The following NRDC variants were observed in gnomAD, a reference collection of about 807,000 sequenced individuals.
NRDC encodes the protein nardilysin.
Under a neutral mutation model 147.1 loss-of-function variants are expected in NRDC, and 54 were observed. The ratio of observed to expected loss-of-function variants is 0.37; its 90% confidence interval spans 0.29 to 0.46. The LOEUF (loss-of-function observed/expected upper bound fraction) is 0.46, where lower values mean the gene tolerates loss of function less well. Ranked by LOEUF, NRDC falls within the 20% of genes least tolerant of loss-of-function variation. The pLI, the probability that NRDC is intolerant of heterozygous loss-of-function variation, is 1.00. For missense variants in NRDC, 1,082 were observed against 1,370.6 expected (o/e 0.79, Z 3.33); for synonymous variants, 440 against 482.1 (o/e 0.91, Z 1.14).
Position 51,798,426 on chromosome 1 carries a change from G to GAA in NRDC, c.2442-17_2442-16dup. The GAA allele has an allele frequency of 1.3e-6, 2 of 1,547,926 alleles. No individual in the cohort carries two copies. The highest frequency in any genetic ancestry group is 1.2e-5 in the South Asian group (1 of 83,102). ...GCCGTACATCTCTGTACAGAGGGCA[G>GAA]AAAAAAAACACTCAAAGTTTTGTTA... On this transcript the variant is annotated splice_polypyrimidine_tract_variant and intron_variant, in intron 21 of 30. Transcript: ENST00000352171.
intron 2 of NRDC, chr1:51,837,729 G>T (rs867281476): frequency 9.2e-6 from 7 of 761,364 alleles, no homozygotes; most frequent in Non-Finnish European, 1.3e-5. Context: ...TTAATTCAAT[G>T]TATATCATAT....
intron 28 of NRDC, 105 bp from the exon 29 acceptor site, chr1:51,790,754 A>G: frequency 1.0e-6 from 1 of 980,524 alleles, no homozygotes; most frequent in South Asian, 1.4e-5. Context: ...TGCCAGTATA[A>G]GAGGCACGGA....
At chr1:51,791,686 A>T in intron 26 of NRDC, 25 bp from the exon 27 acceptor site, 1 of 1,571,424 alleles carries the variant, frequency 6.4e-7, no homozygotes. Context: ...GAAAAGTTAT[A>T]TGAGCTCAGG....
chr1:51,853,308 A>G (rs1682074528), intron 1 of NRDC, among the ~76,000 whole-genome samples: 1 of 152,034 alleles, frequency 6.6e-6, no homozygotes, highest in Non-Finnish European at 1.5e-5. Context: ...TGCCAGAAAT[A>G]ATGAGACTCT....
At position 51,804,018 on chromosome 1, in the gene NRDC, A is replaced by G. The variant is rs535260957; in HGVS notation, c.2163-54T>C. 5.3e-5 allele frequency: 78 copies of G among 1,471,716 alleles called. No individual in the cohort carries two copies. The South Asian group carries it at 1.0e-3, about 19-fold the overall frequency. The allele number at this position is 1,471,716 out of a possible 1,614,324, so 91.2% of individuals were successfully genotyped here. Reference sequence around the variant, plus strand: ...TTTAATTGGTAAGAAAGACACATGAAATAGATTTGCTTCAATTTAGAGTAA... The same window carrying G: ...TTTAATTGGTAAGAAAGACACATGAGATAGATTTGCTTCAATTTAGAGTAA... On this transcript the variant is annotated intron_variant, in intron 19 of 30. Transcript: ENST00000352171.
chr1:51,800,835 CGTTT>C (rs1440461072), intron 20 of NRDC, 152 bp from the exon 21 acceptor site: 12 of 719,758 alleles, frequency 1.7e-5, no homozygotes, highest in Admixed American at 8.8e-5. Context: ...TCAATTTGTT[CGTTT>C]GTTTGTTTGG....
chr1:51,811,495 GACTTATTCTCCA>G (rs902987150), intron 15 of NRDC, among the ~76,000 whole-genome samples: 6 of 152,170 alleles, frequency 3.9e-5, no homozygotes, highest in Non-Finnish European at 8.8e-5. Context: ...GAAACAAAAT[GACTTATTCTCCA>G]CTAGTGAAGG....
chr1:51,810,439 C>T (rs757698589), intron 15 of NRDC, 35 bp from the exon 16 acceptor site: 1 of 1,582,988 alleles, frequency 6.3e-7, no homozygotes, highest in Admixed American at 1.8e-5. Flanking sequence ...GAGATACACA[C>T]AATTTTAACC....
At chr1:51,807,325 T>C (rs1679512854) in intron 17 of NRDC, among the ~76,000 whole-genome samples, 1 of 152,248 alleles carries the variant, frequency 6.6e-6, no homozygotes, top group Admixed American at 6.5e-5. Flanking sequence ...AAACTTGTCC[T>C]TTTGGTTAAT....
rs533381705 is a variant in NRDC, at chr1:51,877,380, G to A, written c.341+895C>T. Among the ~76,000 whole-genome samples the A allele has an allele frequency of 5.9e-5, 9 of 152,158 alleles. No individual in the cohort carries two copies. In the East Asian group the frequency reaches 1.5e-3, roughly 26 times the overall value. On this transcript the variant is annotated intron_variant, in intron 1 of 30. Coordinates refer to ENST00000352171, the MANE Select transcript of NRDC (RefSeq NM_001101662.2). ...CTATTTAAAATACATCAAAGTCCAG[G>A]CCTGGCACAGTGGCTCACGCCTGTA...
At position 51,852,513 on chromosome 1, in the gene NRDC, A is replaced by G. The variant is rs866917014; in HGVS notation, c.342-11999T>C. 1.1e-3 allele frequency among the ~76,000 whole-genome samples: 17 copies of G among 14,964 alleles called. No individual in the cohort carries two copies. The South Asian group carries it at 0.018, about 16-fold the overall frequency. The allele number at this position is 14,964 out of a possible 152,430, so 9.8% of individuals were successfully genotyped here. On this transcript the variant is annotated intron_variant, in intron 1 of 30. Coordinates refer to ENST00000352171, the MANE Select transcript of NRDC (RefSeq NM_001101662.2). ...AACATGTATATGAGGCCTTAAAACT[A>G]TATTTATATAGTTTTAAACTATAGT...
At chr1:51,827,927 T>C in intron 4 of NRDC, 58 bp from the exon 5 acceptor site, 2 of 1,314,160 alleles carry the variant, frequency 1.5e-6, no homozygotes, top group Non-Finnish European at 2.2e-6. Flanking sequence ...AATCAACATC[T>C]ATTATTTTAA....
chr1:51,861,931 G>A (rs144341612), intron 1 of NRDC, among the ~76,000 whole-genome samples: 1 of 152,162 alleles, frequency 6.6e-6, no homozygotes, highest in Non-Finnish European at 1.5e-5. Context: ...TGGAAACTTC[G>A]ACGACTCAGG....
intron 7 of NRDC, 76 bp downstream of exon 7, chr1:51,823,588 C>T: frequency 8.3e-7 from 1 of 1,205,330 alleles, no homozygotes; most frequent in Non-Finnish European, 1.2e-6. Flanking sequence ...TAGTACACTA[C>T]AACACTGATA....
intron 1 of NRDC, among the ~76,000 whole-genome samples, chr1:51,849,398 G>A (rs1408691668): frequency 7.9e-5 from 12 of 151,830 alleles, no homozygotes; most frequent in Admixed American, 7.9e-4. Context: ...TTGGGCGACA[G>A]GGCAAGACTC....
intron 24 of NRDC, 119 bp downstream of exon 24, chr1:51,794,353 A>G: frequency 1.0e-6 from 1 of 973,438 alleles, no homozygotes; most frequent in Non-Finnish European, 1.5e-6. Flanking sequence ...TTGCTTCAAG[A>G]GGACAAATGG....
chr1:51,840,745 C>T (rs1049935243), intron 1 of NRDC, among the ~76,000 whole-genome samples: 3 of 152,138 alleles, frequency 2.0e-5, no homozygotes, highest in African/African-American at 4.8e-5. Flanking sequence ...TCATAATATA[C>T]GCTGTTTGTA....
chr1:51,792,025 T>C, intron 26 of NRDC, 21 bp downstream of exon 26: 2 of 1,613,764 alleles, frequency 1.2e-6, no homozygotes, highest in East Asian at 2.2e-5. Context: ...TTGAGCTCAG[T>C]GGCCCTGCCA....
chr1:51,876,654 C>T (rs546634879), intron 1 of NRDC, among the ~76,000 whole-genome samples: 8 of 152,096 alleles, frequency 5.3e-5, no homozygotes, highest in Admixed American at 6.6e-5. Context: ...GAAAATTTAG[C>T]TCATTTATAA....
Sources: gnomAD v4.1 joint callset for allele counts (sites outside exome capture counted in the v4.1 genomes callset) on GRCh38, gnomAD v4.1.1 for gene constraint, MANE v1.5 for transcripts, NCBI Gene and HGNC (gene_info 2026-07-23, HGNC 2026-07-21) for gene names.